The following NRXN2 variants were observed in gnomAD, a reference collection of about 807,000 sequenced individuals.
The protein encoded by NRXN2 is neurexin-2-beta.
A neutral mutation model predicts 128.8 loss-of-function variants in NRXN2; 29 were observed. The ratio of observed to expected loss-of-function variants is 0.23; its 90% CI spans 0.17 to 0.31. NRXN2 has a LOEUF of 0.31. Among genes scored for constraint, NRXN2 ranks in the 10% least tolerant of loss-of-function variants. The probability of loss-of-function intolerance (pLI) is 1.00; values close to 1 mark genes in which losing one functional copy is unlikely to be tolerated. For synonymous variants in NRXN2, 1,098 were observed against 1,075.2 expected, an observed-to-expected ratio of 1.02 and a Z score of -0.41; for missense variants, 1,881 against 2,452.6, an observed-to-expected ratio of 0.77 and a Z score of 4.92.
chr11:64,683,619 CAAAA>C (rs146075955), intron 6 of NRXN2, among the ~76,000 whole-genome samples: 4 of 75,674 alleles, frequency 5.3e-5, no homozygotes, highest in African/African-American at 7.1e-5. Flanking sequence ...GACTCCATCT[CAAAA>C]AAAAAAAAAA....
chr11:64,722,653 A>AC (rs988363809), intron 1 of NRXN2, among the ~76,000 whole-genome samples: 4 of 142,296 alleles, frequency 2.8e-5, no homozygotes, highest in Non-Finnish European at 6.2e-5. Flanking sequence ...CAGACTGGGG[A>AC]CCCCCCTTTA....
chr11:64,642,789 C>T (rs1012344533), intron 17 of NRXN2: 7 of 1,158,414 alleles, frequency 6.0e-6, no homozygotes, highest in Admixed American at 9.4e-5. Context: ...CCGGCCCGCT[C>T]CCCCCGGGGG....
At chr11:64,613,323 T>TCCATATGTGAACATGC (rs1215356405) in intron 22 of NRXN2, among the ~76,000 whole-genome samples, 2 of 152,210 alleles carry the variant, frequency 1.3e-5, no homozygotes, top group African/African-American at 4.8e-5. Context: ...TGTGCACATG[T>TCCATATGTGAACATGC]CCATATGTGA....
chr11:64,706,729 CT>C (rs1281551659), intron 2 of NRXN2, among the ~76,000 whole-genome samples: 11 of 152,130 alleles, frequency 7.2e-5, no homozygotes, highest in African/African-American at 2.7e-4. Flanking sequence ...ATATCAGCTC[CT>C]TTGCTTCAAA....
chr11:64,702,971 TAAAAAAAA>T (rs557268486), intron 2 of NRXN2, among the ~76,000 whole-genome samples: 1 of 51,136 alleles, frequency 2.0e-5, no homozygotes, highest in African/African-American at 7.7e-5. Flanking sequence ...CCCAGGTCTC[TAAAAAAAA>T]AAAAAAAAAA....
intron 6 of NRXN2, among the ~76,000 whole-genome samples, chr11:64,684,454 A>G (rs1406541863): frequency 1.3e-5 from 2 of 152,200 alleles, no homozygotes; most frequent in African/African-American, 4.8e-5. Context: ...GAATAGGCAC[A>G]TTAGTAGGAG....
chr11:64,686,046 CA>C, intron 5 of NRXN2, 99 bp from the exon 6 acceptor site: 11 of 1,338,994 alleles, frequency 8.2e-6, no homozygotes, highest in Non-Finnish European at 1.1e-5. Context: ...TGGTCCTGGG[CA>C]CCAGGAGCCC....
In NRXN2 at chr11:64,713,254, T is replaced by A; in HGVS notation, c.446A>T (p.Asp149Val). The change falls in exon 2 of 23, where the codon GAC becomes GTC. Residue 149 changes from aspartate (D) to valine (V), a missense_variant. Asp to Val is a radical substitution (Grantham distance 152). Coordinates refer to ENST00000265459, the MANE Select transcript of NRXN2 (RefSeq NM_015080.4). ...GGGCGGGATGCCGCCCACGAACAGG[T>A]CGCTGGCCACCTGCATCTCGCGCCG... ...SKRREMQVASDLFVGGIPPDV... is the reference protein window; with the variant it reads ...SKRREMQVASVLFVGGIPPDV... The A allele has an allele frequency of 6.9e-7, 1 of 1,440,448 alleles. No individual in the cohort carries two copies. Among genetic ancestry groups the A allele is most frequent in the Non-Finnish European group, 9.1e-7 (1 of 1,097,862 alleles). 89.2% of individuals were successfully genotyped at this position (1,440,448 alleles called of 1,614,324 possible). A position where few individuals can be genotyped will look rare whatever the true frequency, so the allele number is the denominator to read the frequency against.
intron 1 of NRXN2, among the ~76,000 whole-genome samples, chr11:64,716,068 A>G (rs963860529): frequency 1.3e-5 from 2 of 152,152 alleles, no homozygotes; most frequent in Non-Finnish European, 2.9e-5. Flanking sequence ...CTGTGGCCAG[A>G]AGAGTGACCA....
At chr11:64,642,073 A>AG (rs1048127989) in intron 17 of NRXN2, among the ~76,000 whole-genome samples, 13 of 152,058 alleles carry the variant, frequency 8.5e-5, no homozygotes, top group African/African-American at 2.9e-4. Flanking sequence ...AGAGAGGTGA[A>AG]GGGGGAGAGA....
At chr11:64,626,416 A>T in intron 20 of NRXN2, 47 bp downstream of exon 20, 1 of 1,420,800 alleles carries the variant, frequency 7.0e-7, no homozygotes, top group Non-Finnish European at 9.9e-7. Context: ...CCTTTAAGAT[A>T]GTGTTTTTAA....
chr11:64,685,775 G>C lies in NRXN2; in HGVS notation c.1023C>G (p.Leu341=). The C allele has an allele frequency of 1.9e-6, 3 of 1,614,272 alleles. No homozygotes were observed. Among genetic ancestry groups the C allele is most frequent in the Non-Finnish European group, 2.5e-6 (3 of 1,180,048 alleles). ...TGACCAGCCAGACAGCCCCAGACTT[G>C]AGGGACAGGTTGACGTAGTCGGCCG... ...GKSADYVNLS[L]KSGAVWLVIN... is the part of the protein sequence containing the mutation. The change falls in exon 6 of 23, where the codon CTC becomes CTG. Residue 341 remains leucine, a synonymous_variant. Coordinates refer to ENST00000265459, the MANE Select transcript of NRXN2 (RefSeq NM_015080.4).
rs574822773 is a variant in NRXN2, at chr11:64,623,997, G to T, written c.3848-919C>A. ...TTGTTTTGGTTTGGTTTTTAGAAAA[G>T]ATGTTTATTATGTTTAAGTTTAGAT... On this transcript the variant is annotated intron_variant, in intron 20 of 22. Coordinates refer to ENST00000265459, the MANE Select transcript of NRXN2 (RefSeq NM_015080.4). The surrounding 1 kb of genome is among the most constrained non-coding windows in gnomAD (Gnocchi z 4.9). The T allele has an allele frequency of 2.7e-5, 4 of 147,244 alleles. No individual in the cohort carries two copies. The East Asian group carries it at 8.3e-4, about 31-fold the overall frequency. The allele number at this position is 147,244 out of a possible 1,614,324, so 9.1% of individuals were successfully genotyped here.
intron 2 of NRXN2, among the ~76,000 whole-genome samples, chr11:64,705,003 G>T (rs1357716100): frequency 1.3e-5 from 2 of 152,168 alleles, no homozygotes; most frequent in Non-Finnish European, 1.5e-5. Context: ...TCTGGGATGG[G>T]TTCCTCTCCA....
In NRXN2 at chr11:64,661,050, C is replaced by T. The variant is rs561880923; in HGVS notation, c.1888G>A (p.Gly630Ser). The change falls in exon 10 of 23, where the codon GGT (glycine) becomes AGT (serine). Residue 630 changes from glycine (G) to serine (S), a missense_variant. Gly to Ser is a moderately conservative substitution (Grantham distance 56). This residue lies in a region of NRXN2 where 997 missense variants were observed against 1,240.8 expected (regional missense o/e 0.80). Coordinates refer to ENST00000265459, the MANE Select transcript of NRXN2 (RefSeq NM_015080.4). ...TCCACCCGGCCCCCCTCAGGGAGAC[C>T]GCCCAGGTACAGCTCACTCTCCAGG... is the stretch of plus-strand genomic sequence containing the variant. ...LDLESELYLG[G>S]LPEGGRVDLP... 90 of 1,613,536 alleles carry T rather than the reference C, an allele frequency of 5.6e-5. No individual in the cohort carries two copies. Among genetic ancestry groups the T allele is most frequent in the Admixed American group, 5.2e-4 (31 of 60,032 alleles).
At chr11:64,649,542 G>A (rs138247758) in intron 15 of NRXN2, among the ~76,000 whole-genome samples, 238 of 152,308 alleles carry the variant, frequency 1.6e-3, no homozygotes, top group African/African-American at 5.1e-3. Flanking sequence ...CACAAGACCC[G>A]CCAAGATAAC....
rs1344162609 is a variant in NRXN2 at position 64,647,435 on chromosome 11, C to T, written c.3403+784G>A. 2.0e-5 allele frequency among the ~76,000 whole-genome samples: 3 copies of T among 152,284 alleles called. 1 individual carries two copies. Among genetic ancestry groups the T allele is most frequent in the Middle Eastern group, 6.8e-3 (2 of 294 alleles). ...GAAGGTTGCCTCCCCGCCATTCCTG[C>T]CTCAGCTGCCCTCCCTCTGCAGGGC... On this transcript the variant is annotated intron_variant, in intron 17 of 22. Transcript: ENST00000265459.
chr11:64,717,832 G>A (rs952842386), intron 1 of NRXN2, among the ~76,000 whole-genome samples: 5 of 152,210 alleles, frequency 3.3e-5, no homozygotes, highest in African/African-American at 1.2e-4. Context: ...CCACAGTCCA[G>A]GTAAAGGGTG....
chr11:64,695,767 C>A (rs1157586654), intron 3 of NRXN2, among the ~76,000 whole-genome samples: 1 of 152,080 alleles, frequency 6.6e-6, no homozygotes, highest in Non-Finnish European at 1.5e-5. Flanking sequence ...CACAGCCCTG[C>A]ACAGCCACTG....
Sources: allele counts gnomAD v4.1 joint callset (sites outside exome capture counted in the v4.1 genomes callset), GRCh38; gene constraint gnomAD v4.1.1; regional missense constraint gnomAD v4.1.1; non-coding constraint Gnocchi (gnomAD v3.1); transcripts MANE v1.5; gene names NCBI Gene and HGNC (gene_info 2026-07-23, HGNC 2026-07-21).